Variants in DYNC1I1 observed in about 807,000 individuals in gnomAD.
DYNC1I1 encodes cytoplasmic dynein 1 intermediate chain 1.
Under a neutral mutation model 86.6 loss-of-function variants are expected in DYNC1I1, and 43 were observed. The ratio of observed to expected loss-of-function variants is 0.50; its 90% CI spans 0.39 to 0.64. The LOEUF (loss-of-function observed/expected upper bound fraction) is 0.64, where lower values mean the gene tolerates loss of function less well. Among genes scored for constraint, DYNC1I1 ranks in the 30% least tolerant of loss-of-function variants. The pLI is 0.00. For missense variants in DYNC1I1, 604 were observed against 788.8 expected, an observed-to-expected ratio of 0.77 and a Z score of 2.81; for synonymous variants, 262 against 283.7, an observed-to-expected ratio of 0.92 and a Z score of 0.77.
chr7:95,786,398 C>T (rs1273452452), intron 1 of DYNC1I1, among the ~76,000 whole-genome samples: 1 of 152,174 alleles, frequency 6.6e-6, no homozygotes, highest in African/African-American at 2.4e-5. Context: ...TGCAAGCACT[C>T]TTTAGTACGT....
intron 6 of DYNC1I1, among the ~76,000 whole-genome samples, chr7:95,886,981 C>G (rs1478799528): frequency 1.3e-5 from 2 of 152,280 alleles, no homozygotes; most frequent in Non-Finnish European, 2.9e-5. Flanking sequence ...TTCAGTGAGA[C>G]AGCCCTGATC....
At chr7:95,910,903 C>G (rs1029686162) in intron 6 of DYNC1I1, among the ~76,000 whole-genome samples, 1 of 152,194 alleles carries the variant, frequency 6.6e-6, no homozygotes, top group Non-Finnish European at 1.5e-5. Context: ...TGGCCATCAT[C>G]ATCTTTATCA....
At chr7:96,100,649 T>TG (rs1205109046), downstream of DYNC1I1, among the ~76,000 whole-genome samples, 28 of 138,902 alleles carry the variant, frequency 2.0e-4, no homozygotes, top group South Asian at 4.7e-4. Context: ...CTTTGAGGGT[T>TG]TTGTGTGTGT....
At chr7:95,813,688 T>G (rs2115846273) in intron 4 of DYNC1I1, among the ~76,000 whole-genome samples, 1 of 152,314 alleles carries the variant, frequency 6.6e-6, no homozygotes, top group Middle Eastern at 3.4e-3. Context: ...ATTATCCTAC[T>G]TTGGTTTTGG....
At chr7:95,890,160 T>C (rs969827333) in intron 6 of DYNC1I1, among the ~76,000 whole-genome samples, 1 of 152,306 alleles carries the variant, frequency 6.6e-6, no homozygotes, top group Middle Eastern at 3.4e-3. Flanking sequence ...TATTCACAAT[T>C]GCAAATATAT....
At chr7:96,000,536 G>A (rs927158210) in intron 10 of DYNC1I1, among the ~76,000 whole-genome samples, 1 of 152,194 alleles carries the variant, frequency 6.6e-6, no homozygotes, top group Admixed American at 6.5e-5. Context: ...AAAGGCATAA[G>A]GGAATACCAG....
intron 5 of DYNC1I1, among the ~76,000 whole-genome samples, chr7:95,838,389 C>T (rs895021574): frequency 6.6e-6 from 1 of 152,172 alleles, no homozygotes; most frequent in Non-Finnish European, 1.5e-5. Context: ...CATTCTGTCC[C>T]ACTGACCTAT....
chr7:95,782,557 C>T (rs1368995982), intron 1 of DYNC1I1, among the ~76,000 whole-genome samples: 1 of 152,168 alleles, frequency 6.6e-6, no homozygotes, highest in African/African-American at 2.4e-5. Flanking sequence ...CACTTTTGGG[C>T]CCCAGCCCCA....
chr7:95,932,144 A>G (rs1791916000), intron 6 of DYNC1I1, among the ~76,000 whole-genome samples: 1 of 152,156 alleles, frequency 6.6e-6, no homozygotes, highest in African/African-American at 2.4e-5. Context: ...TAGCTGTCAC[A>G]TATTGTCCAT....
intron 14 of DYNC1I1, among the ~76,000 whole-genome samples, chr7:96,065,378 CT>C (rs34423655): frequency 0.011 from 1,462 of 127,538 alleles, 12 homozygotes; most frequent in African/African-American, 0.037. Flanking sequence ...TTCTTTCTTT[CT>C]TTTTTTTTTT....
intron 6 of DYNC1I1, among the ~76,000 whole-genome samples, chr7:95,972,737 G>A (rs1793208374): frequency 6.6e-6 from 1 of 152,188 alleles, no homozygotes; most frequent in Admixed American, 6.5e-5. Flanking sequence ...CCATGGACTA[G>A]TGGAGGAAAC....
intron 2 of DYNC1I1, among the ~76,000 whole-genome samples, chr7:95,806,433 G>A (rs1326329311): frequency 6.6e-6 from 1 of 152,168 alleles, no homozygotes; most frequent in Non-Finnish European, 1.5e-5. Context: ...AAGCACTTTT[G>A]CCTGGTGAGG....
intron 5 of DYNC1I1, among the ~76,000 whole-genome samples, chr7:95,845,738 T>C (rs1399118663): frequency 6.6e-6 from 1 of 152,232 alleles, no homozygotes; most frequent in African/African-American, 2.4e-5. Context: ...ATTTATATTC[T>C]GACCCATGAA....
At chr7:96,107,307 G>A (rs373913121) in intron 16 of DYNC1I1, among the ~76,000 whole-genome samples, 1 of 152,028 alleles carries the variant, frequency 6.6e-6, no homozygotes, top group Non-Finnish European at 1.5e-5. Context: ...TGGGATTACA[G>A]GTGTGAGCCA....
intron 16 of DYNC1I1, among the ~76,000 whole-genome samples, chr7:96,107,118 C>A (rs1181470580): frequency 6.6e-6 from 1 of 151,946 alleles, no homozygotes; most frequent in Non-Finnish European, 1.5e-5. Context: ...CCTCTGCCTC[C>A]CAGGTTCAAG....
At chr7:95,870,888 A>C (rs1299418543) in intron 6 of DYNC1I1, among the ~76,000 whole-genome samples, 2 of 150,906 alleles carry the variant, frequency 1.3e-5, no homozygotes, top group Non-Finnish European at 2.9e-5. Context: ...TAACGTTGTT[A>C]TAGCAAAGCA....
At chr7:95,777,386 G>A (rs1348382029) in intron 1 of DYNC1I1, among the ~76,000 whole-genome samples, 1 of 152,158 alleles carries the variant, frequency 6.6e-6, no homozygotes, top group East Asian at 1.9e-4. Context: ...CTGCAAAGAT[G>A]AATTTACTTT....
chr7:96,018,763 C>G (rs891199283), intron 10 of DYNC1I1, among the ~76,000 whole-genome samples: 1 of 152,178 alleles, frequency 6.6e-6, no homozygotes, highest in African/African-American at 2.4e-5. Context: ...GAATGGTATT[C>G]TAGCAGAGGG....
At chr7:95,895,523 A>G (rs1229707777) in intron 6 of DYNC1I1, among the ~76,000 whole-genome samples, 1 of 152,178 alleles carries the variant, frequency 6.6e-6, no homozygotes, top group South Asian at 2.1e-4. Flanking sequence ...CTCCTTTGGA[A>G]AACTTCTTGA....
Sources: gnomAD v4.1 joint callset for allele counts (sites outside exome capture counted in the v4.1 genomes callset) on GRCh38, gnomAD v4.1.1 for gene constraint, MANE v1.5 for transcripts, NCBI Gene and HGNC (gene_info 2026-07-23, HGNC 2026-07-21) for gene names.